Variants in NCF2 observed in about 807,000 individuals in gnomAD.
NCF2 encodes the protein neutrophil cytosolic factor 2, also known as neutrophil cytosol factor 2.
In NCF2, 45 loss-of-function variants were observed where a neutral mutation model predicts 70.9. That is an observed-to-expected ratio of 0.63 (90% CI 0.50 to 0.81). NCF2 has a LOEUF of 0.81. Ranked by LOEUF, NCF2 falls within the 40% of genes least tolerant of loss-of-function variation. NCF2 has a pLI of 0.00. For synonymous variants in NCF2, 203 were observed against 233.6 expected, an observed-to-expected ratio of 0.87 and a Z score of 1.19; for missense variants, 522 against 631.6, an observed-to-expected ratio of 0.83 and a Z score of 1.86.
In NCF2 at chr1:183,556,317, T is replaced by A. The variant is rs699244; in HGVS notation, c.1469-87A>T. On this transcript the variant is annotated intron_variant, in intron 14 of 14. Coordinates refer to ENST00000367535, the MANE Select transcript of NCF2 (RefSeq NM_000433.4). ...GCTATTCCACACAGAATTTGTTATCTGTCACCCTTCCCCACCCCTAATTGT... is the reference window on the plus strand; with the variant it reads ...GCTATTCCACACAGAATTTGTTATCAGTCACCCTTCCCCACCCCTAATTGT... The A allele has an allele frequency of 2.0e-3, 2,460 of 1,218,508 alleles. 33 individuals are homozygous for A. In the African/African-American group the frequency reaches 0.032, roughly 16 times the overall value. 75.5% of individuals were successfully genotyped at this position (1,218,508 alleles called of 1,614,324 possible). A position where few individuals can be genotyped will look rare whatever the true frequency, so the allele number is the denominator to read the frequency against.
chr1:183,599,237 TG>T, the NCF2 span, among the ~76,000 whole-genome samples: 14 of 152,154 alleles, frequency 9.2e-5, no homozygotes, highest in Admixed American at 9.2e-4. Context: ...AAAAATTAGC[TG>T]GGTGTCAAGG....
At chr1:183,573,662 T>C (rs1672671113) in intron 4 of NCF2, among the ~76,000 whole-genome samples, 1 of 152,168 alleles carries the variant, frequency 6.6e-6, no homozygotes, top group Non-Finnish European at 1.5e-5. Context: ...TGGATGGGTG[T>C]TTGCTGATGA....
At chr1:183,558,023 C>T (rs1410919074) in intron 14 of NCF2, among the ~76,000 whole-genome samples, 8 of 151,708 alleles carry the variant, frequency 5.3e-5, no homozygotes, top group African/African-American at 1.2e-4. Flanking sequence ...TACAAGTGCA[C>T]GCCACCACGC....
chr1:183,576,913 A>C (rs978168973), intron 3 of NCF2, among the ~76,000 whole-genome samples: 6 of 149,574 alleles, frequency 4.0e-5, no homozygotes, highest in Admixed American at 1.3e-4. Flanking sequence ...TGGAAGTGGG[A>C]GGGGTGGGAA....
intron 3 of NCF2, among the ~76,000 whole-genome samples, chr1:183,576,432 G>A (rs1672802900): frequency 6.6e-6 from 1 of 152,208 alleles, no homozygotes; most frequent in Non-Finnish European, 1.5e-5. Context: ...AATGTCTGGA[G>A]GGATTTTAGG....
At chr1:183,588,875 C>T (rs924090986) in intron 1 of NCF2, among the ~76,000 whole-genome samples, 1 of 152,210 alleles carries the variant, frequency 6.6e-6, no homozygotes, top group Non-Finnish European at 1.5e-5. Context: ...CATATCCAGG[C>T]CAAGGCAGGA....
At chr1:183,580,765 T>C (rs935868256) in intron 2 of NCF2, among the ~76,000 whole-genome samples, 1 of 152,000 alleles carries the variant, frequency 6.6e-6, no homozygotes, top group African/African-American at 2.4e-5. Flanking sequence ...TCACTTGAGG[T>C]CAGGGGTTCG....
intron 14 of NCF2, among the ~76,000 whole-genome samples, chr1:183,558,661 T>C (rs1441657159): frequency 6.6e-6 from 1 of 151,894 alleles, no homozygotes; most frequent in Non-Finnish European, 1.5e-5. Flanking sequence ...CACTCCCGGG[T>C]TCAAGCGATT....
chr1:183,585,624 C>CAAAAAAAAAAAAAAAAAAAAAAAAAA (rs750881920), intron 2 of NCF2, among the ~76,000 whole-genome samples: 8 of 114,562 alleles, frequency 7.0e-5, no homozygotes, highest in African/African-American at 3.2e-4. Context: ...AACTCCGTCT[C>CAAAAAAAAAAAAAAAAAAAAAAAAAA]AAAAAAAAAA....
the NCF2 span, among the ~76,000 whole-genome samples, chr1:183,599,445 T>TCTTTCTTTCTTTC: frequency 3.3e-3 from 355 of 107,386 alleles, 2 homozygotes; most frequent in Non-Finnish European, 5.1e-3. Flanking sequence ...TTTCTTTCTT[T>TCTTTCTTTCTTTC]CTTTCTTTCT....
chr1:183,586,583 A>C (rs1673363398), intron 2 of NCF2, among the ~76,000 whole-genome samples: 2 of 152,036 alleles, frequency 1.3e-5, no homozygotes, highest in East Asian at 3.9e-4. Flanking sequence ...CTCATAGGAG[A>C]CCTACATGGG....
At chr1:183,600,388 C>A in the NCF2 span, among the ~76,000 whole-genome samples, 2 of 152,242 alleles carry the variant, frequency 1.3e-5, no homozygotes, top group African/African-American at 4.8e-5. Context: ...CTTGACTCAA[C>A]AACCTGCCCT....
Position 183,567,345 on chromosome 1 carries a change from C to T in NCF2, c.714G>A (p.Arg238=), listed in dbSNP as rs1362634532. Residue 238 remains arginine, a splice_region_variant and synonymous_variant, in exon 8 of 15, where the codon AGG becomes AGA. Coordinates refer to ENST00000367535, the MANE Select transcript of NCF2 (RefSeq NM_000433.4). ...PPRPKTPEIF[R]ALEGEAHRVL... is the part of the protein sequence containing the mutation. Reference sequence around the variant, plus strand: ...CACGGTGAGCCTCCCCTTCCAGAGCCCTGCAGAGGATAGACACAAGATCCA... The same window carrying T: ...CACGGTGAGCCTCCCCTTCCAGAGCTCTGCAGAGGATAGACACAAGATCCA... The T allele has an allele frequency of 6.2e-7, 1 of 1,614,042 alleles. No individual in the cohort carries two copies. Among genetic ancestry groups the T allele is most frequent in the Admixed American group, 1.7e-5 (1 of 60,020 alleles).
At chr1:183,581,459 C>A (rs945417274) in intron 2 of NCF2, among the ~76,000 whole-genome samples, 2 of 151,178 alleles carry the variant, frequency 1.3e-5, no homozygotes, top group African/African-American at 4.9e-5. Context: ...TATAGTGAGA[C>A]CCCTTCTCTA....
chr1:183,555,994 G>A lies in NCF2; in HGVS notation c.*124C>T, dbSNP rs1671752798. The A allele has an allele frequency of 1.2e-6, 1 of 840,396 alleles. No individual in the cohort carries two copies. Among genetic ancestry groups the A allele is most frequent in the African/African-American group, 1.7e-5 (1 of 59,392 alleles). The allele number at this position is 840,396 out of a possible 1,614,324, so 52.1% of individuals were successfully genotyped here. On this transcript the variant is annotated 3_prime_UTR_variant, in exon 15 of 15. Transcript: ENST00000367535. ...TTGTCTAGTAGGTTAAATTTTAACAGGGAATAAATAGTTAACACTTCCAAA... is the reference window on the plus strand; with the variant it reads ...TTGTCTAGTAGGTTAAATTTTAACAAGGAATAAATAGTTAACACTTCCAAA...
At chr1:183,567,894 G>A (rs1672382647) in intron 7 of NCF2, among the ~76,000 whole-genome samples, 1 of 152,184 alleles carries the variant, frequency 6.6e-6, no homozygotes, top group South Asian at 2.1e-4. Flanking sequence ...AGCTGCCGTG[G>A]TGCAGTGTCG....
At chr1:183,584,613 T>C (rs931050424) in intron 2 of NCF2, among the ~76,000 whole-genome samples, 1 of 152,248 alleles carries the variant, frequency 6.6e-6, no homozygotes, top group African/African-American at 2.4e-5. Context: ...TTGCCAGTTG[T>C]ATCTCTTCTT....
intron 14 of NCF2, 104 bp downstream of exon 14, chr1:183,559,992 G>T: frequency 1.5e-6 from 2 of 1,314,616 alleles, no homozygotes; most frequent in Non-Finnish European, 2.2e-6. Context: ...GAAAACACTG[G>T]CTAAAGTTTT....
the NCF2 span, among the ~76,000 whole-genome samples, chr1:183,597,547 T>C: frequency 6.6e-6 from 1 of 152,200 alleles, no homozygotes; most frequent in Non-Finnish European, 1.5e-5. Context: ...TGGACTTCTA[T>C]TGATCCTGTC....
Sources: gnomAD v4.1 joint callset for allele counts (sites outside exome capture counted in the v4.1 genomes callset) on GRCh38, gnomAD v4.1.1 for gene constraint, MANE v1.5 for transcripts, NCBI Gene and HGNC (gene_info 2026-07-23, HGNC 2026-07-21) for gene names.